Variants in PKD2L2 observed in about 807,000 individuals in gnomAD.
PKD2L2 encodes the protein polycystin-2-like protein 2.
PKD2L2 carries 67 observed loss-of-function variants against 83.9 expected under a neutral mutation model. The ratio of observed to expected loss-of-function variants is 0.80; its 90% CI spans 0.66 to 0.98. PKD2L2 has a LOEUF of 0.98. PKD2L2 is among the 50% of genes least tolerant of loss of function. PKD2L2 has a pLI of 0.00. For missense variants in PKD2L2, 632 were observed against 717.2 expected, an observed-to-expected ratio of 0.88 and a Z score of 1.36; for synonymous variants, 223 against 237.8, an observed-to-expected ratio of 0.94 and a Z score of 0.57.
intron 14 of PKD2L2, among the ~76,000 whole-genome samples, chr5:137,937,483 T>C (rs1028694162): frequency 2.0e-5 from 3 of 152,164 alleles, no homozygotes; most frequent in Admixed American, 2.0e-4. Context: ...GGAGAGAAAC[T>C]CTTCTAATTT....
At chr5:137,910,268 A>AATG (rs1016185133) in intron 8 of PKD2L2, among the ~76,000 whole-genome samples, 1 of 148,262 alleles carries the variant, frequency 6.7e-6, no homozygotes, top group African/African-American at 2.5e-5. Flanking sequence ...TAATAATAAT[A>AATG]ATAATAAAAC....
chr5:137,890,282 A>T (rs1755844026), intron 1 of PKD2L2, 199 bp from the exon 2 acceptor site: 1 of 325,646 alleles, frequency 3.1e-6, no homozygotes, highest in Non-Finnish European at 5.7e-6. Context: ...ACTCCGTCTC[A>T]AAAAAAAAAT....
intron 5 of PKD2L2, among the ~76,000 whole-genome samples, chr5:137,903,942 G>T (rs1757162072): frequency 6.6e-6 from 1 of 152,088 alleles, no homozygotes; most frequent in Admixed American, 6.6e-5. Flanking sequence ...TTTTAGTAGA[G>T]ACGGGGTTTC....
intron 4 of PKD2L2, among the ~76,000 whole-genome samples, chr5:137,896,266 C>T (rs1466435056): frequency 1.3e-5 from 2 of 152,076 alleles, no homozygotes; most frequent in African/African-American, 4.8e-5. Context: ...AAGGCCTACC[C>T]TTTCCTACTC....
chr5:137,907,323 C>G (rs769076365), intron 6 of PKD2L2, among the ~76,000 whole-genome samples: 9 of 152,130 alleles, frequency 5.9e-5, no homozygotes, highest in Non-Finnish European at 8.8e-5. Flanking sequence ...CTGAAATACT[C>G]TTTTAAAGGG....
intron 8 of PKD2L2, among the ~76,000 whole-genome samples, chr5:137,918,161 CTTAT>C (rs946023270): frequency 2.0e-5 from 3 of 152,102 alleles, no homozygotes; most frequent in South Asian, 2.1e-4. Flanking sequence ...ATTTTTTGTT[CTTAT>C]TTTTTATTTT....
chr5:137,922,722 G>T (rs1421170293), intron 9 of PKD2L2, among the ~76,000 whole-genome samples: 1 of 151,902 alleles, frequency 6.6e-6, no homozygotes, highest in Non-Finnish European at 1.5e-5. Flanking sequence ...TGGGCAACAG[G>T]GTGGGACCCT....
At chr5:137,921,411 G>A (rs1370784903) in intron 8 of PKD2L2, among the ~76,000 whole-genome samples, 2 of 150,958 alleles carry the variant, frequency 1.3e-5, no homozygotes, top group Admixed American at 1.3e-4. Flanking sequence ...ATTCATTAAA[G>A]CGGTCATTTC....
intron 14 of PKD2L2, among the ~76,000 whole-genome samples, chr5:137,940,857 A>AT (rs1337566519): frequency 6.6e-6 from 1 of 152,216 alleles, no homozygotes; most frequent in Non-Finnish European, 1.5e-5. Flanking sequence ...TTTTCTCCCA[A>AT]TAATACAATG....
Position 137,889,486 on chromosome 5 carries a change from T to G in PKD2L2, c.-6T>G. On this transcript the variant is annotated 5_prime_UTR_variant, in exon 1 of 15. Coordinates refer to ENST00000508883, the MANE Select transcript of PKD2L2 (RefSeq NM_001300921.2). The stretch of plus-strand genomic sequence containing the variant: ...GAACGAACGGGCGGTGTAGTGCAGG[T>G]CCGCCATGGCTGAGGCGTCACGGTG... 2.5e-6 allele frequency: 4 copies of G among 1,572,576 alleles called. No individual in the cohort carries two copies. Among genetic ancestry groups the G allele is most frequent in the Non-Finnish European group, 1.7e-6 (2 of 1,163,884 alleles).
At chr5:137,894,204 T>G in intron 3 of PKD2L2, 149 bp from the exon 4 acceptor site, 1 of 688,872 alleles carries the variant, frequency 1.5e-6, no homozygotes, top group South Asian at 1.9e-5. Flanking sequence ...CCATCCACAG[T>G]AGCTTCATTA....
chr5:137,920,507 C>T (rs1252969402), intron 8 of PKD2L2, among the ~76,000 whole-genome samples: 1 of 151,882 alleles, frequency 6.6e-6, no homozygotes, highest in Non-Finnish European at 1.5e-5. Context: ...GCTTGTAATC[C>T]CAGCACTTTG....
rs774889310 is a variant in PKD2L2, at chr5:137,921,769, C to A, written c.1449+13C>A. 1 of 1,555,726 alleles carries A rather than the reference C, an allele frequency of 6.4e-7. No homozygotes were observed. The highest frequency in any genetic ancestry group is 2.0e-5 in the Admixed American group (1 of 51,276). ...CTTTGTCCTGCTGGTAAGAATAATA[C>A]ATATTCCTTTCATTTCTTACTTTTT... On this transcript the variant is annotated intron_variant, in intron 9 of 14. Coordinates refer to ENST00000508883, the MANE Select transcript of PKD2L2 (RefSeq NM_001300921.2).
intron 10 of PKD2L2, among the ~76,000 whole-genome samples, chr5:137,924,591 A>C (rs1759215191): frequency 6.6e-6 from 1 of 152,206 alleles, no homozygotes; most frequent in African/African-American, 2.4e-5. Flanking sequence ...TTCACAGAGA[A>C]GAGGTCCTAG....
chr5:137,923,519 C>G lies in PKD2L2; in HGVS notation c.1549C>G (p.Gln517Glu). The G allele has an allele frequency of 7.6e-7, 1 of 1,318,450 alleles. No homozygotes were observed. Among genetic ancestry groups the G allele is most frequent in the South Asian group, 1.2e-5 (1 of 84,406 alleles). The allele number at this position is 1,318,450 out of a possible 1,614,324, so 81.7% of individuals were successfully genotyped here. The change falls in exon 10 of 15, where the codon CAG becomes GAG. Residue 517 changes from glutamine to glutamate, a missense_variant and splice_region_variant. Around this residue, in one of 3 missense-constraint regions of PKD2L2, gnomAD observed 399 missense variants for 416.9 expected, o/e 0.96. Coordinates refer to ENST00000508883, the MANE Select transcript of PKD2L2 (RefSeq NM_001300921.2). ...LDFELGKMIK[Q>E]SYKNVLEKFR... ...TTTTGAACTTGGCAAAATGATTAAA[C>G]AGGTAAGTCAAATTTCTTTCCTAAT...
At chr5:137,914,168 G>A (rs1758117894) in intron 8 of PKD2L2, among the ~76,000 whole-genome samples, 1 of 149,504 alleles carries the variant, frequency 6.7e-6, no homozygotes, top group East Asian at 2.0e-4. Context: ...GGGATTACAG[G>A]CATGAGCCAC....
chr5:137,897,751 C>T (rs995042889), intron 4 of PKD2L2, among the ~76,000 whole-genome samples: 6 of 152,236 alleles, frequency 3.9e-5, no homozygotes, highest in Non-Finnish European at 7.4e-5. Context: ...ATGGAAGTTT[C>T]ATTAAAACAT....
chr5:137,926,205 A>AT (rs1759365439), intron 12 of PKD2L2, among the ~76,000 whole-genome samples: 1 of 152,202 alleles, frequency 6.6e-6, no homozygotes. Context: ...TCATAGTGAG[A>AT]TATTTGATGA....
chr5:137,913,004 A>C (rs984743264), intron 8 of PKD2L2, among the ~76,000 whole-genome samples: 2 of 149,986 alleles, frequency 1.3e-5, no homozygotes, highest in African/African-American at 4.9e-5. Flanking sequence ...GGGTTTCTCC[A>C]TGTTGGTCAG....
Sources: gnomAD v4.1 joint callset for allele counts (sites outside exome capture counted in the v4.1 genomes callset) on GRCh38, gnomAD v4.1.1 for gene constraint, gnomAD v4.1.1 regional missense constraint, MANE v1.5 for transcripts, NCBI Gene and HGNC (gene_info 2026-07-23, HGNC 2026-07-21) for gene names.